The following ROBO2 variants were observed in gnomAD, a reference collection of about 807,000 sequenced individuals.
ROBO2 encodes the protein roundabout guidance receptor 2.
In ROBO2, 53 loss-of-function variants were observed where a neutral mutation model predicts 160.8. The observed-to-expected ratio is 0.33, with a 90% CI of 0.26 to 0.41. The LOEUF is 0.41. Ranked by LOEUF, ROBO2 falls within the 10% of genes least tolerant of loss-of-function variation. The pLI, the probability that ROBO2 is intolerant of heterozygous loss-of-function variation, is 1.00. For missense variants in ROBO2, 1,577 were observed against 1,722.4 expected (o/e 0.92, Z 1.49); for synonymous variants, 664 against 611.7 (o/e 1.09, Z -1.26).
At chr3:77,455,910 C>A (rs1164362544) in intron 2 of ROBO2, among the ~76,000 whole-genome samples, 4 of 152,018 alleles carry the variant, frequency 2.6e-5, no homozygotes, top group Admixed American at 2.6e-4. Context: ...AGGAGCTTTG[C>A]CAGTTAAATA....
intron 2 of ROBO2, among the ~76,000 whole-genome samples, chr3:76,480,652 C>T (rs1248361078): frequency 6.6e-6 from 1 of 152,092 alleles, no homozygotes; most frequent in Non-Finnish European, 1.5e-5. Context: ...GGTCTTCCCA[C>T]AGTAGAAGAG....
At chr3:76,986,481 A>G (rs1430564730) in intron 2 of ROBO2, among the ~76,000 whole-genome samples, 1 of 152,076 alleles carries the variant, frequency 6.6e-6, no homozygotes, top group Admixed American at 6.6e-5. Context: ...TCATTGCCAG[A>G]ATGCCCAAGA....
intron 2 of ROBO2, among the ~76,000 whole-genome samples, chr3:76,601,941 T>C (rs564932536): frequency 3.7e-4 from 56 of 152,338 alleles, no homozygotes; most frequent in African/African-American, 1.3e-3. Context: ...AAGTCATCTG[T>C]TGAATGCTTG....
At chr3:76,561,213 T>C (rs568010088) in intron 2 of ROBO2, among the ~76,000 whole-genome samples, 1 of 152,074 alleles carries the variant, frequency 6.6e-6, no homozygotes, top group South Asian at 2.1e-4. Context: ...TGCACATCAC[T>C]AACAAAAATA....
intron 1 of ROBO2, among the ~76,000 whole-genome samples, chr3:77,074,419 T>G (rs146762259): frequency 7.0e-4 from 106 of 152,340 alleles, no homozygotes; most frequent in Middle Eastern, 3.4e-3. Context: ...TGAACACTAA[T>G]GCAATTAGTA....
At position 76,507,769 on chromosome 3, in the gene ROBO2, G is replaced by C. The variant is rs767906313; in HGVS notation, c.109+570167G>C. Among the ~76,000 whole-genome samples the C allele has an allele frequency of 6.6e-5, 10 of 151,884 alleles. No individual in the cohort carries two copies. In the East Asian group the frequency reaches 1.5e-3, roughly 23 times the overall value. On this transcript the variant is annotated intron_variant, in intron 2 of 26. Transcript: ENST00000487694. ...ATAAAGGTCATGTACCATATACCAA[G>C]CACATGATAAAAACACGATCCTAGT...
At chr3:77,480,416 T>TCAGC (rs2084547745) in intron 3 of ROBO2, among the ~76,000 whole-genome samples, 1 of 152,158 alleles carries the variant, frequency 6.6e-6, no homozygotes, top group Non-Finnish European at 1.5e-5. Context: ...TTTGTTTTTA[T>TCAGC]CAGCCAATAA....
chr3:76,057,780 G>GT (rs11295514), intron 2 of ROBO2, among the ~76,000 whole-genome samples: 30 of 150,642 alleles, frequency 2.0e-4, no homozygotes, highest in Middle Eastern at 3.4e-3. Context: ...AATTCAATTG[G>GT]TTTTTTTTTG....
At chr3:76,636,254 C>G (rs1440592886) in intron 2 of ROBO2, among the ~76,000 whole-genome samples, 2 of 152,018 alleles carry the variant, frequency 1.3e-5, no homozygotes, top group South Asian at 2.1e-4. Context: ...ATAGAGGAGG[C>G]AATGTAGGTT....
At chr3:76,283,831 T>C (rs1708370810) in intron 2 of ROBO2, among the ~76,000 whole-genome samples, 1 of 152,084 alleles carries the variant, frequency 6.6e-6, no homozygotes, top group Admixed American at 6.6e-5. Context: ...ATTATGTTTG[T>C]TTTGAGAATG....
At chr3:77,343,457 C>T (rs1322654358) in intron 2 of ROBO2, among the ~76,000 whole-genome samples, 2 of 152,090 alleles carry the variant, frequency 1.3e-5, no homozygotes, top group Admixed American at 6.6e-5. Context: ...TCTTAAAAAA[C>T]GTACAAGAAA....
chr3:76,110,117 T>A (rs1402063978), intron 2 of ROBO2, among the ~76,000 whole-genome samples: 2 of 151,674 alleles, frequency 1.3e-5, no homozygotes, highest in African/African-American at 4.8e-5. Flanking sequence ...ATATGGGAAG[T>A]CTTCCTAAAG....
rs533496995 is a variant in ROBO2 at position 76,465,781 on chromosome 3, G to C, written c.109+528179G>C. Among the ~76,000 whole-genome samples the C allele has an allele frequency of 5.9e-5, 9 of 152,072 alleles. No homozygotes were observed. In the East Asian group the frequency reaches 1.7e-3, roughly 29 times the overall value. ...GTTCTAAAGATATATTGTTTGAATG[G>C]CTTGATGTTAACCTTCAAATATTAT... On this transcript the variant is annotated intron_variant, in intron 2 of 26. Coordinates refer to the ROBO2 transcript ENST00000487694.
intron 1 of ROBO2, among the ~76,000 whole-genome samples, chr3:77,052,219 A>G (rs1056266326): frequency 1.3e-5 from 2 of 152,160 alleles, no homozygotes; most frequent in Non-Finnish European, 2.9e-5. Context: ...CTTGTCTCCA[A>G]TATGTCCACT....
intron 2 of ROBO2, among the ~76,000 whole-genome samples, chr3:77,349,770 C>G (rs918694341): frequency 2.0e-5 from 3 of 152,096 alleles, no homozygotes; most frequent in African/African-American, 7.2e-5. Flanking sequence ...TTGGATTCAT[C>G]TGACCAACTC....
At chr3:77,295,055 G>T (rs564696658) in intron 2 of ROBO2, among the ~76,000 whole-genome samples, 2 of 151,138 alleles carry the variant, frequency 1.3e-5, no homozygotes, top group East Asian at 2.0e-4. Context: ...ATGCTTAAAC[G>T]GGTAAACTGA....
At position 76,660,021 on chromosome 3, in the gene ROBO2, C is replaced by G. The variant is rs528562291; in HGVS notation, c.110-437993C>G. Reference sequence around the variant, plus strand: ...AGATTTAAGTGTCTTCCAGTATGGACTGTAGACAAATGCTGGATGGAGAAA... The same window carrying G: ...AGATTTAAGTGTCTTCCAGTATGGAGTGTAGACAAATGCTGGATGGAGAAA... On this transcript the variant is annotated intron_variant, in intron 2 of 26. Coordinates refer to the ROBO2 transcript ENST00000487694. Among the ~76,000 whole-genome samples, 9 of 152,270 alleles carry G rather than the reference C, an allele frequency of 5.9e-5. No individual in the cohort carries two copies. In the East Asian group the frequency reaches 1.7e-3, roughly 29 times the overall value.
intron 2 of ROBO2, among the ~76,000 whole-genome samples, chr3:76,847,562 A>G (rs532592134): frequency 8.5e-5 from 13 of 152,318 alleles, no homozygotes; most frequent in African/African-American, 3.1e-4. Context: ...AGTAGTGAAC[A>G]TAAAGAAGGA....
At chr3:76,370,223 A>G (rs2076037797) in intron 2 of ROBO2, among the ~76,000 whole-genome samples, 1 of 151,862 alleles carries the variant, frequency 6.6e-6, no homozygotes, top group Admixed American at 6.6e-5. Context: ...GGCATGCAAG[A>G]TAATGCATTG....
Sources: allele counts gnomAD v4.1 joint callset (sites outside exome capture counted in the v4.1 genomes callset), GRCh38; gene constraint gnomAD v4.1.1; transcripts MANE v1.5; gene names NCBI Gene and HGNC (gene_info 2026-07-23, HGNC 2026-07-21).